Variants in PRRX2 observed in about 807,000 individuals in gnomAD.
PRRX2 encodes paired related homeobox 2.
PRRX2 carries 11 observed loss-of-function variants against 18.0 expected under a neutral mutation model. The ratio of observed to expected loss-of-function variants is 0.61; its 90% CI spans 0.39 to 1.01. The LOEUF (loss-of-function observed/expected upper bound fraction) is 1.01. PRRX2 is among the 50% of genes least tolerant of loss of function. The pLI is 0.01. For missense variants in PRRX2, 387 were observed against 351.0 expected, an observed-to-expected ratio of 1.10 and a Z score of -0.82; for synonymous variants, 177 against 154.8, an observed-to-expected ratio of 1.14 and a Z score of -1.06.
At chr9:129,711,224 C>CT (rs1226377024) in intron 1 of PRRX2, among the ~76,000 whole-genome samples, 1 of 152,082 alleles carries the variant, frequency 6.6e-6, no homozygotes, top group African/African-American at 2.4e-5. Context: ...GTGCTGCTCT[C>CT]TGAGTTCCAA....
chr9:129,690,247 C>T (rs1021402226), intron 1 of PRRX2, among the ~76,000 whole-genome samples: 1 of 152,124 alleles, frequency 6.6e-6, no homozygotes, highest in Admixed American at 6.5e-5. Context: ...AGCTGGGGCC[C>T]GAGTTTTCTC....
intron 1 of PRRX2, 60 bp downstream of exon 1, chr9:129,666,186 C>CCGGGGG: frequency 2.1e-6 from 2 of 967,350 alleles, no homozygotes; most frequent in Non-Finnish European, 2.5e-6. Context: ...GGGGCCGGGG[C>CCGGGGG]GCGGGGTCCG....
Position 129,665,678 on chromosome 9 carries a change from G to A in PRRX2, c.-190G>A, listed in dbSNP as rs1189561495. ...ACCAGCGGCTCCGGAGCGAGCGGCC[G>A]TGGCTGAGAAGGGGAGGGCGGAAAG... On this transcript the variant is annotated 5_prime_UTR_variant, in exon 1 of 4. The change creates a new upstream start codon in the 5' untranslated region. Transcript: ENST00000372469. The surrounding 1 kb of genome is among the most constrained non-coding windows in gnomAD (Gnocchi z 5.3). The A allele has an allele frequency of 4.1e-6, 1 of 244,664 alleles. No homozygotes were observed. The highest frequency in any genetic ancestry group is 6.7e-6 in the Non-Finnish European group (1 of 150,260). 15.2% of individuals were successfully genotyped at this position (244,664 alleles called of 1,614,324 possible).
chr9:129,666,157 C>CGGGGCG, intron 1 of PRRX2, 31 bp downstream of exon 1: 4 of 515,486 alleles, frequency 7.8e-6, no homozygotes, highest in Non-Finnish European at 9.1e-6. Context: ...ACGGGGGTGG[C>CGGGGCG]GGGGCCGGGG....
At chr9:129,707,694 G>A (rs1832573893) in intron 1 of PRRX2, among the ~76,000 whole-genome samples, 1 of 151,778 alleles carries the variant, frequency 6.6e-6, no homozygotes, top group Admixed American at 6.6e-5. Context: ...GGGAGGCTGA[G>A]GCAGGAGAAT....
intron 1 of PRRX2, among the ~76,000 whole-genome samples, chr9:129,688,011 TA>T (rs1832316669): frequency 6.6e-6 from 1 of 152,082 alleles, no homozygotes; most frequent in Non-Finnish European, 1.5e-5. Context: ...TCCTCCTGCC[TA>T]AGCCTCCTGA....
At chr9:129,685,835 C>T (rs1832293896) in intron 1 of PRRX2, among the ~76,000 whole-genome samples, 1 of 152,244 alleles carries the variant, frequency 6.6e-6, no homozygotes, top group Non-Finnish European at 1.5e-5. Context: ...GGCGCCACTG[C>T]TGACACAGCC....
In PRRX2 at chr9:129,710,854, C is replaced by T. The variant is rs562814807; in HGVS notation, c.260-8377C>T. 5.3e-5 allele frequency among the ~76,000 whole-genome samples: 8 copies of T among 152,280 alleles called. No individual in the cohort carries two copies. In the South Asian group the frequency reaches 1.7e-3, roughly 32 times the overall value. On this transcript the variant is annotated intron_variant, in intron 1 of 3. Coordinates refer to ENST00000372469, the MANE Select transcript of PRRX2 (RefSeq NM_016307.4). ...CCCGGGATCCTTCTCCATGAGGCCCCAGGGACCATGTTTCTTCTCCTCTAT... is the reference window on the plus strand; with the variant it reads ...CCCGGGATCCTTCTCCATGAGGCCCTAGGGACCATGTTTCTTCTCCTCTAT...
rs1832154742 is a variant in PRRX2, at chr9:129,675,656, C to T, written c.259+9530C>T. The stretch of plus-strand genomic sequence containing the variant: ...GTCCTCCCCCACTGCCGGTCTCCCC[C>T]TCGCTGGCCTCCCTTCTTGCCGTGG... On this transcript the variant is annotated intron_variant, in intron 1 of 3. Transcript: ENST00000372469. This position sits in a 1 kb window ranked among gnomAD's most constrained non-coding sequence, Gnocchi z 4.4. Among the ~76,000 whole-genome samples the T allele has an allele frequency of 6.6e-6, 1 of 152,088 alleles. No homozygotes were observed. Among genetic ancestry groups the T allele is most frequent in the South Asian group, 2.1e-4 (1 of 4,828 alleles).
At chr9:129,713,183 C>G (rs1362056571) in intron 1 of PRRX2, 1 of 152,258 alleles carries the variant, frequency 6.6e-6, no homozygotes, top group African/African-American at 2.4e-5. Context: ...GGGGTGCAGC[C>G]CCATCTTTCT....
rs1832807243 is a variant in PRRX2 at position 129,722,472 on chromosome 9, A to C, written c.*120A>C. Reference sequence around the variant, plus strand: ...CTCCTGGCCCGTCTGTCCAGCCTGGACTCCCGAGCCCACGAGGCTGTTGAG... The same window carrying C: ...CTCCTGGCCCGTCTGTCCAGCCTGGCCTCCCGAGCCCACGAGGCTGTTGAG... On this transcript the variant is annotated 3_prime_UTR_variant, in exon 4 of 4. Transcript: ENST00000372469. 1.3e-5 allele frequency: 16 copies of C among 1,210,440 alleles called. 1 individual carries two copies. Among genetic ancestry groups the C allele is most frequent in the Non-Finnish European group, 1.7e-5 (16 of 934,268 alleles). The allele number at this position is 1,210,440 out of a possible 1,614,324, so 75.0% of individuals were successfully genotyped here.
rs111763959 is a variant in PRRX2 at position 129,694,880 on chromosome 9, C to T, written c.260-24351C>T. The stretch of plus-strand genomic sequence containing the variant: ...GTGTGCCATGACCCTAGTGGTCCAA[C>T]GAAGGCTTCATGGCTGGGCCAGCCT... On this transcript the variant is annotated intron_variant, in intron 1 of 3. Coordinates refer to ENST00000372469, the MANE Select transcript of PRRX2 (RefSeq NM_016307.4). 3.1e-3 allele frequency among the ~76,000 whole-genome samples: 475 copies of T among 152,220 alleles called. 2 individuals are homozygous for T. The highest frequency in any genetic ancestry group is 0.011 in the African/African-American group (439 of 41,518).
chr9:129,706,917 C>T (rs1434949451), intron 1 of PRRX2, among the ~76,000 whole-genome samples: 10 of 152,176 alleles, frequency 6.6e-5, no homozygotes, highest in Non-Finnish European at 1.5e-5. Flanking sequence ...CAGTCTACCT[C>T]CATCTCTATG....
At chr9:129,686,791 C>T (rs985206424) in intron 1 of PRRX2, among the ~76,000 whole-genome samples, 2 of 152,204 alleles carry the variant, frequency 1.3e-5, no homozygotes, top group African/African-American at 2.4e-5. Flanking sequence ...CACCACCGGC[C>T]GCCCCTCCTC....
chr9:129,668,183 A>C (rs935977562), intron 1 of PRRX2, among the ~76,000 whole-genome samples: 3 of 152,052 alleles, frequency 2.0e-5, no homozygotes, highest in African/African-American at 7.2e-5. Flanking sequence ...CCAGTTTCCA[A>C]CTCATCCATC....
chr9:129,674,411 G>T (rs1832139278), intron 1 of PRRX2, among the ~76,000 whole-genome samples: 1 of 152,154 alleles, frequency 6.6e-6, no homozygotes, highest in South Asian at 2.1e-4. Context: ...CTTCCAGTTT[G>T]GGGGCGGTAG....
At chr9:129,689,275 A>G (rs1832330630) in intron 1 of PRRX2, among the ~76,000 whole-genome samples, 1 of 152,154 alleles carries the variant, frequency 6.6e-6, no homozygotes, top group Non-Finnish European at 1.5e-5. Context: ...GCAGGTCACC[A>G]TGCTCCCTGA....
intron 1 of PRRX2, among the ~76,000 whole-genome samples, chr9:129,692,870 C>G (rs2130919689): frequency 6.6e-6 from 1 of 152,300 alleles, no homozygotes; most frequent in East Asian, 1.9e-4. Context: ...CCTGGGCAGG[C>G]CTTTTTGTGG....
At chr9:129,700,297 C>T (rs996674122) in intron 1 of PRRX2, among the ~76,000 whole-genome samples, 2 of 151,448 alleles carry the variant, frequency 1.3e-5, no homozygotes, top group African/African-American at 4.9e-5. Flanking sequence ...CCAGCTCTTC[C>T]TCAGTGGGGT....
Sources: gnomAD v4.1 joint callset for allele counts (sites outside exome capture counted in the v4.1 genomes callset) on GRCh38, gnomAD v4.1.1 for gene constraint, Gnocchi (gnomAD v3.1) non-coding constraint, MANE v1.5 for transcripts, NCBI Gene and HGNC (gene_info 2026-07-23, HGNC 2026-07-21) for gene names.